Variants in FANCD2 observed in about 807,000 individuals in gnomAD.
The protein encoded by FANCD2 is Fanconi anemia group D2 protein.
A neutral mutation model predicts 192.3 loss-of-function variants in FANCD2; 131 were observed. The ratio of observed to expected loss-of-function variants is 0.68; its 90% CI spans 0.59 to 0.79. FANCD2 has a LOEUF of 0.79. Ranked by LOEUF, FANCD2 falls within the 30% of genes least tolerant of loss-of-function variation. The pLI is 0.00. For missense variants in FANCD2, 1,508 were observed against 1,701.6 expected (o/e 0.89, Z 2.00); for synonymous variants, 524 against 612.5 (o/e 0.86, Z 2.13).
chr3:10,033,024 C>A (rs2124971090), intron 3 of FANCD2, 52 bp downstream of exon 3: 4 of 1,361,266 alleles, frequency 2.9e-6, no homozygotes, highest in Non-Finnish European at 3.1e-6. Flanking sequence ...TAGTTCAGGA[C>A]TGAATCATGG....
chr3:10,038,480 A>G (rs193013444), intron 7 of FANCD2, among the ~76,000 whole-genome samples: 29 of 152,118 alleles, frequency 1.9e-4, no homozygotes, highest in African/African-American at 6.8e-4. Flanking sequence ...TGGAAAAATG[A>G]TAATTGAGCC....
At chr3:10,090,432 G>A (rs1464046607) in intron 37 of FANCD2, 47 bp downstream of exon 37, 2 of 857,092 alleles carry the variant, frequency 2.3e-6, no homozygotes, top group Non-Finnish European at 3.6e-6. Flanking sequence ...TGGATTACTT[G>A]GAAGTTGCTG....
chr3:10,063,761 A>G (rs376086993), intron 20 of FANCD2, 31 bp from the exon 21 acceptor site: 8 of 1,613,884 alleles, frequency 5.0e-6, no homozygotes, highest in Non-Finnish European at 5.9e-6. Context: ...TGGCAGCCCA[A>G]GGTTTAAACC....
chr3:10,075,363 T>A (rs140203540), intron 29 of FANCD2, among the ~76,000 whole-genome samples: 21 of 152,204 alleles, frequency 1.4e-4, no homozygotes, highest in African/African-American at 4.6e-4. Context: ...TTTTGTACAT[T>A]TTTTATAGAG....
chr3:10,094,957 C>G, intron 40 of FANCD2: 1 of 529,300 alleles, frequency 1.9e-6, no homozygotes, highest in Non-Finnish European at 3.4e-6. Context: ...GACATGGTAA[C>G]CTATGTAAAA....
intron 3 of FANCD2, 122 bp from the exon 4 acceptor site, chr3:10,034,347 A>ATTT: frequency 1.6e-6 from 1 of 639,560 alleles, no homozygotes; most frequent in Non-Finnish European, 2.8e-6. Context: ...AAAAAAAAAG[A>ATTT]TTTGTCTCTG....
intron 19 of FANCD2, among the ~76,000 whole-genome samples, chr3:10,060,780 A>G (rs1027232975): frequency 9.9e-5 from 15 of 152,208 alleles, no homozygotes; most frequent in African/African-American, 3.4e-4. Context: ...AACTTTATAC[A>G]TTTGATACAA....
At chr3:10,059,809 GAAAA>G (rs72492715) in intron 18 of FANCD2, among the ~76,000 whole-genome samples, 2 of 129,838 alleles carry the variant, frequency 1.5e-5, no homozygotes, top group African/African-American at 2.8e-5. Flanking sequence ...CCTTCTCAAA[GAAAA>G]AAAAAAAAAG....
intron 30 of FANCD2, among the ~76,000 whole-genome samples, chr3:10,080,024 C>T (rs1048398305): frequency 2.0e-5 from 3 of 151,532 alleles, no homozygotes; most frequent in Non-Finnish European, 4.4e-5. Context: ...AAGCGATTCT[C>T]CTGCCTCAGC....
rs56321271 is a variant in FANCD2, at chr3:10,028,465, G to GT, written c.-33-159dup. Among the ~76,000 whole-genome samples the GT allele has an allele frequency of 2.0e-5, 3 of 152,326 alleles. No individual in the cohort carries two copies. In the East Asian group the frequency reaches 5.8e-4, roughly 29 times the overall value. ...GAAAGGAAGGTAGTATTGGCTAGAT[G>GT]TAAGAGTTGAAATTTGCTTAGCACC... On this transcript the variant is annotated intron_variant, in intron 1 of 43. Coordinates refer to ENST00000675286, the MANE Select transcript of FANCD2 (RefSeq NM_001018115.3).
chr3:10,090,141 C>G, intron 36 of FANCD2, 151 bp from the exon 37 acceptor site: 1 of 654,504 alleles, frequency 1.5e-6, no homozygotes, highest in Non-Finnish European at 2.8e-6. Flanking sequence ...ATTACTGAGT[C>G]CTTTCCGCTC....
chr3:10,073,944 GT>G (rs1262781118), intron 28 of FANCD2, among the ~76,000 whole-genome samples: 2 of 151,928 alleles, frequency 1.3e-5, no homozygotes, highest in Non-Finnish European at 2.9e-5. Flanking sequence ...ACAGTTTTTT[GT>G]TTTTTGTTTT....
At chr3:10,088,716 A>G (rs1346776901) in intron 35 of FANCD2, 112 bp from the exon 36 acceptor site, 7 of 1,244,122 alleles carry the variant, frequency 5.6e-6, no homozygotes, top group Non-Finnish European at 7.1e-6. Context: ...GTTCTGTTTT[A>G]TACTGTTAGC....
At chr3:10,059,670 G>T (rs559251352) in intron 18 of FANCD2, among the ~76,000 whole-genome samples, 2 of 152,190 alleles carry the variant, frequency 1.3e-5, no homozygotes, top group Non-Finnish European at 2.9e-5. Context: ...GGCGTGGTTG[G>T]TGGCGGGCAC....
chr3:10,063,569 G>T (rs2087627887), intron 20 of FANCD2, among the ~76,000 whole-genome samples: 1 of 152,212 alleles, frequency 6.6e-6, no homozygotes, highest in Non-Finnish European at 1.5e-5. Flanking sequence ...CAAAATCAAA[G>T]GTTTACTTTA....
chr3:10,036,167 A>G, intron 6 of FANCD2, 120 bp from the exon 7 acceptor site: 2 of 737,142 alleles, frequency 2.7e-6, no homozygotes, highest in Non-Finnish European at 4.8e-6. Context: ...GCTCACTGCA[A>G]TCTCTGCCTT....
At chr3:10,087,458 T>C (rs1694287181) in intron 34 of FANCD2, among the ~76,000 whole-genome samples, 194 bp downstream of exon 34, 1 of 151,936 alleles carries the variant, frequency 6.6e-6, no homozygotes, top group African/African-American at 2.4e-5. Context: ...TTGCTTAGTC[T>C]GAGTTTGGTT....
rs532765216 is a variant in FANCD2 at position 10,036,086 on chromosome 3, C to CTT, written c.439-183_439-182dup. Among the ~76,000 whole-genome samples the CTT allele has an allele frequency of 5.0e-4, 51 of 102,578 alleles. 4 individuals carry two copies. The highest frequency in any genetic ancestry group is 1.8e-3 in the African/African-American group (43 of 23,990). The allele number at this position is 102,578 out of a possible 152,430, so 67.3% of individuals were successfully genotyped here. ...TAGTTGGAAAGAGAATTATACATTTCTTTTTTTTTTTTTTTTTTTGAGTCA... is the reference window on the plus strand; with the variant it reads ...TAGTTGGAAAGAGAATTATACATTTCTTTTTTTTTTTTTTTTTTTTTGAGTCA... On this transcript the variant is annotated intron_variant, in intron 6 of 43. Coordinates refer to ENST00000675286, the MANE Select transcript of FANCD2 (RefSeq NM_001018115.3).
chr3:10,048,442 T>TAC (rs2087095584), intron 16 of FANCD2, among the ~76,000 whole-genome samples: 1 of 152,224 alleles, frequency 6.6e-6, no homozygotes, highest in Non-Finnish European at 1.5e-5. Context: ...TAGCTGTGAT[T>TAC]ACAGGCACAC....
Sources: gnomAD v4.1 joint callset for allele counts (sites outside exome capture counted in the v4.1 genomes callset) on GRCh38, gnomAD v4.1.1 for gene constraint, MANE v1.5 for transcripts, NCBI Gene and HGNC (gene_info 2026-07-23, HGNC 2026-07-21) for gene names.